NRG1: variants seen among roughly 807,000 people sequenced by gnomAD.
NRG1 encodes neuregulin 1, also known as pro-neuregulin-1, membrane-bound isoform.
Under a neutral mutation model 63.8 loss-of-function variants are expected in NRG1, and 18 were observed. The ratio of observed to expected loss-of-function variants is 0.28; its 90% CI spans 0.19 to 0.42. The LOEUF (loss-of-function observed/expected upper bound fraction) is 0.42. Among genes scored for constraint, NRG1 ranks in the 10% least tolerant of loss-of-function variants. NRG1 has a pLI of 1.00. For synonymous variants in NRG1, 302 were observed against 301.3 expected (o/e 1.00, Z -0.02); for missense variants, 762 against 814.7 (o/e 0.94, Z 0.79).
chr8:32,237,425 A>G (rs1158962219), intron 1 of NRG1, among the ~76,000 whole-genome samples: 1 of 151,994 alleles, frequency 6.6e-6, no homozygotes, highest in Admixed American at 6.6e-5. Flanking sequence ...ATTTTATTAC[A>G]TTCTTTTACA....
chr8:32,093,863 G>T (rs1829530436), intron 1 of NRG1, among the ~76,000 whole-genome samples: 1 of 152,122 alleles, frequency 6.6e-6, no homozygotes, highest in Non-Finnish European at 1.5e-5. Flanking sequence ...TCCTTTCCTG[G>T]TCATCAAGAT....
intron 1 of NRG1, among the ~76,000 whole-genome samples, chr8:32,412,551 G>T (rs1815256888): frequency 6.8e-6 from 1 of 148,114 alleles, no homozygotes; most frequent in South Asian, 2.1e-4. Flanking sequence ...CTTAACAATA[G>T]GATATATTCC....
intron 1 of NRG1, among the ~76,000 whole-genome samples, chr8:31,668,105 A>G (rs1252898820): frequency 6.6e-6 from 1 of 152,196 alleles, no homozygotes; most frequent in African/African-American, 2.4e-5. Context: ...TTATGGGTGG[A>G]TATTTGAAAA....
chr8:32,667,814 G>A (rs1804597449), intron 5 of NRG1, among the ~76,000 whole-genome samples: 1 of 152,084 alleles, frequency 6.6e-6, no homozygotes, highest in East Asian at 1.9e-4. Context: ...GTTCAAAAAT[G>A]CAGTTGCCTC....
intron 1 of NRG1, among the ~76,000 whole-genome samples, chr8:32,554,905 TGC>T: frequency 7.0e-6 from 1 of 142,312 alleles, no homozygotes; most frequent in East Asian, 2.0e-4. Context: ...CCCCAAAGAC[TGC>T]TTTTTTCTTC....
At chr8:32,771,681 G>A (rs1831804251), downstream of NRG1, among the ~76,000 whole-genome samples, 1 of 132,398 alleles carries the variant, frequency 7.6e-6, no homozygotes, top group Non-Finnish European at 1.6e-5. Flanking sequence ...TTCTACACAG[G>A]ATGTTCAGAC....
chr8:32,714,153 C>T, intron 5 of NRG1, among the ~76,000 whole-genome samples: 1 of 152,146 alleles, frequency 6.6e-6, no homozygotes, highest in East Asian at 1.9e-4. Context: ...GCTATGAATG[C>T]ATTTGTCATT....
intron 1 of NRG1, among the ~76,000 whole-genome samples, chr8:31,989,469 C>T (rs1810693255): frequency 6.6e-6 from 1 of 151,756 alleles, no homozygotes; most frequent in African/African-American, 2.4e-5. Flanking sequence ...CAGCATAAGG[C>T]AACAGTGATA....
At position 32,308,823 on chromosome 8, in the gene NRG1, T is replaced by C. The variant is rs1292749191; in HGVS notation, c.38-287005T>C. Among the ~76,000 whole-genome samples the C allele has an allele frequency of 5.3e-5, 8 of 152,188 alleles. No homozygotes were observed. The East Asian group carries it at 1.5e-3, about 29-fold the overall frequency. ...TCACTTTGCGGGAGAATGATGTCTGTAAAGTGGGAGCCTATGTCTTGCAAT... is the reference window on the plus strand; with the variant it reads ...TCACTTTGCGGGAGAATGATGTCTGCAAAGTGGGAGCCTATGTCTTGCAAT... On this transcript the variant is annotated intron_variant, in intron 1 of 10. Coordinates refer to the NRG1 transcript ENST00000519301.
At chr8:32,717,532 A>G (rs1319255832) in intron 5 of NRG1, among the ~76,000 whole-genome samples, 1 of 152,162 alleles carries the variant, frequency 6.6e-6, no homozygotes, top group Non-Finnish European at 1.5e-5. Context: ...ATGGACTGAA[A>G]TTAGCCAAGT....
rs555309129 is a variant in NRG1 at position 32,606,490 on chromosome 8, T to TGA, written c.400+808_400+809insAG. Among the ~76,000 whole-genome samples the TGA allele has an allele frequency of 5.1e-4, 77 of 152,156 alleles. 1 individual carries two copies. Among genetic ancestry groups the TGA allele is most frequent in the African/African-American group, 1.8e-3 (74 of 41,544 alleles). ...TACAATCCACCTCTGACAACTTCTGTGTTATTCCAGGAAATTAAAAGAACC... is the reference window on the plus strand; with the variant it reads ...TACAATCCACCTCTGACAACTTCTGTGAGTTATTCCAGGAAATTAAAAGAACC... On this transcript the variant is annotated intron_variant, in intron 3 of 11. Coordinates refer to ENST00000356819, the Ensembl canonical transcript of NRG1.
chr8:32,296,131 G>A (rs909235904), intron 1 of NRG1, among the ~76,000 whole-genome samples: 1 of 152,022 alleles, frequency 6.6e-6, no homozygotes, highest in Non-Finnish European at 1.5e-5. Flanking sequence ...GACAAAACAT[G>A]TGCACATTTT....
intron 1 of NRG1, among the ~76,000 whole-genome samples, chr8:32,033,962 T>A (rs1373397133): frequency 2.0e-5 from 3 of 152,180 alleles, no homozygotes; most frequent in Admixed American, 2.0e-4. Context: ...GCCTGATTGC[T>A]CTGGCCATAA....
In NRG1 at chr8:32,760,414, C is replaced by T. The variant is rs1830483538; in HGVS notation, c.1259+8C>T. The T allele has an allele frequency of 1.4e-5, 23 of 1,612,832 alleles. No individual in the cohort carries two copies. The highest frequency in any genetic ancestry group is 1.8e-5 in the Non-Finnish European group (21 of 1,179,858). ...CTCTCCTCATAGTGAAAGGTAAAACCGAAGGGCAAAGCTACTGCAGAGGAG... is the reference window on the plus strand; with the variant it reads ...CTCTCCTCATAGTGAAAGGTAAAACTGAAGGGCAAAGCTACTGCAGAGGAG... On this transcript the variant is annotated splice_region_variant and intron_variant, in intron 11 of 11. Transcript: ENST00000356819.
At chr8:32,632,716 T>G (rs1217431546) in intron 5 of NRG1, among the ~76,000 whole-genome samples, 1 of 152,216 alleles carries the variant, frequency 6.6e-6, no homozygotes, top group African/African-American at 2.4e-5. Flanking sequence ...GAAAATTGTT[T>G]CTAATATGAT....
intron 1 of NRG1, among the ~76,000 whole-genome samples, chr8:32,033,620 TC>T (rs973639922): frequency 6.6e-6 from 1 of 152,220 alleles, no homozygotes; most frequent in African/African-American, 2.4e-5. Context: ...CTCTCTTTTT[TC>T]CTTGAACATT....
chr8:32,540,865 A>G (rs1481236079), intron 1 of NRG1, among the ~76,000 whole-genome samples: 1 of 151,816 alleles, frequency 6.6e-6, no homozygotes, highest in African/African-American at 2.4e-5. Flanking sequence ...GAAAAACAAC[A>G]TTTTCCATAA....
chr8:32,109,703 G>A (rs994411515), intron 1 of NRG1, among the ~76,000 whole-genome samples: 2 of 152,096 alleles, frequency 1.3e-5, no homozygotes, highest in African/African-American at 4.8e-5. Flanking sequence ...CCAAGAAGCT[G>A]AAGGGGAAAA....
chr8:31,756,189 A>G (rs1405011560), intron 1 of NRG1, among the ~76,000 whole-genome samples: 2 of 152,132 alleles, frequency 1.3e-5, no homozygotes, highest in African/African-American at 4.8e-5. Flanking sequence ...TTTCACACAA[A>G]GAACATCAGC....
Sources: gnomAD v4.1 joint callset for allele counts (sites outside exome capture counted in the v4.1 genomes callset) on GRCh38, gnomAD v4.1.1 for gene constraint, MANE v1.5 for transcripts, NCBI Gene and HGNC (gene_info 2026-07-23, HGNC 2026-07-21) for gene names.